TECTA: variants seen among roughly 807,000 people sequenced by gnomAD.
TECTA encodes the protein alpha-tectorin.
TECTA carries 128 observed loss-of-function variants against 216.8 expected under a neutral mutation model. The observed-to-expected ratio is 0.59, with a 90% confidence interval of 0.51 to 0.68. The LOEUF (loss-of-function observed/expected upper bound fraction) is 0.68, where lower values mean the gene tolerates loss of function less well. Among genes scored for constraint, TECTA ranks in the 30% least tolerant of loss-of-function variants. The pLI is 0.00. For missense variants in TECTA, 2,551 were observed against 2,786.2 expected (o/e 0.92, Z 1.90); for synonymous variants, 1,089 against 1,117.1 (o/e 0.97, Z 0.50).
rs470134 is a variant in TECTA at position 121,185,488 on chromosome 11, G to C, written c.6000-2344G>C. ...TGAATGAGTAGGGAAAGCAGATGTT[G>C]AATGCTTAATGAATGAGTAGGGAAA... On this transcript the variant is annotated intron_variant, in intron 20 of 23. Coordinates refer to ENST00000392793, the MANE Select transcript of TECTA (RefSeq NM_005422.4). Among the ~76,000 whole-genome samples the C allele has an allele frequency of 4.1e-3, 461 of 111,924 alleles. 1 individual carries two copies. Among genetic ancestry groups the C allele is most frequent in the African/African-American group, 7.0e-3 (191 of 27,364 alleles). The allele number at this position is 111,924 out of a possible 152,430, so 73.4% of individuals were successfully genotyped here.
chr11:121,121,710 C>T (rs1237488382), intron 7 of TECTA, among the ~76,000 whole-genome samples: 3 of 152,138 alleles, frequency 2.0e-5, no homozygotes, highest in Admixed American at 6.5e-5. Context: ...GGTGGGGGGA[C>T]TGTAGAAATA....
intron 10 of TECTA, among the ~76,000 whole-genome samples, chr11:121,131,073 G>A (rs1181308934): frequency 6.6e-6 from 1 of 152,064 alleles, no homozygotes; most frequent in Non-Finnish European, 1.5e-5. Context: ...AATTAGCCGG[G>A]CGTGGTGGCG....
chr11:121,127,653 T>TAGAG lies in TECTA; in HGVS notation c.1775-97_1775-96insAGAG, dbSNP rs1296351686. The TAGAG allele has an allele frequency of 6.3e-6, 9 of 1,424,640 alleles. No homozygotes were observed. Among genetic ancestry groups the TAGAG allele is most frequent in the Non-Finnish European group, 8.9e-6 (9 of 1,010,412 alleles). 88.2% of individuals were successfully genotyped at this position (1,424,640 alleles called of 1,614,324 possible). On this transcript the variant is annotated intron_variant, in intron 8 of 23. Coordinates refer to ENST00000392793, the MANE Select transcript of TECTA (RefSeq NM_005422.4). This position sits in a 1 kb window ranked among gnomAD's most constrained non-coding sequence, Gnocchi z 5.0. ...CCGAGTGGCCGCTTGACCCTCACTCTAGGAACTAAATGATCCAGGAGGAGC... is the reference window on the plus strand; with the variant it reads ...CCGAGTGGCCGCTTGACCCTCACTCTAGAGAGGAACTAAATGATCCAGGAGGAGC...
chr11:121,174,572 G>A (rs1484561616), intron 20 of TECTA, among the ~76,000 whole-genome samples: 1 of 152,146 alleles, frequency 6.6e-6, no homozygotes, highest in Non-Finnish European at 1.5e-5. Flanking sequence ...GCTTTTTGAT[G>A]TGCTGCTGGA....
In TECTA at chr11:121,113,114, A is replaced by G; in HGVS notation, c.529A>G (p.Thr177Ala). 6.2e-7 allele frequency: 1 copy of G among 1,614,108 alleles called. No homozygotes were observed. Among genetic ancestry groups the G allele is most frequent in the Admixed American group, 1.7e-5 (1 of 60,014 alleles). Residue 177 changes from threonine (T) to alanine (A), a missense_variant, in exon 5 of 24, where the codon ACA (threonine) becomes GCA (alanine). Coordinates refer to ENST00000392793, the MANE Select transcript of TECTA (RefSeq NM_005422.4). This position sits in a 1 kb window ranked among gnomAD's most constrained non-coding sequence, Gnocchi z 4.2. ...CGTCCTAGTGTCCGATGGCTCCTAT[A>G]CATTCACCCTCTTCAATTATTACGA... ...QAVLVSDGSY[T>A]FTLFNYYEIN...
In TECTA at chr11:121,165,662, C is replaced by T. The variant is rs574198736; in HGVS notation, c.5383+279C>T. ...AAGGTCCAAATTGATCTTTTAGATG[C>T]GCAAGGAAATAGGGTATTTTGATGC... On this transcript the variant is annotated intron_variant, in intron 17 of 23. Coordinates refer to ENST00000392793, the MANE Select transcript of TECTA (RefSeq NM_005422.4). Among the ~76,000 whole-genome samples, 23 of 152,212 alleles carry T rather than the reference C, an allele frequency of 1.5e-4. No individual in the cohort carries two copies. The South Asian group carries it at 4.0e-3, about 26-fold the overall frequency.
chr11:121,142,403 G>A (rs1946793035), intron 11 of TECTA, among the ~76,000 whole-genome samples: 2 of 152,160 alleles, frequency 1.3e-5, no homozygotes, highest in Admixed American at 1.3e-4. Flanking sequence ...GGGCAGTGGT[G>A]CCAGGGTGGA....
rs1946957281 is a variant in TECTA, at chr11:121,157,865, G to A, written c.4330G>A (p.Asp1444Asn). Residue 1444 changes from aspartate (D) to asparagine (N), a missense_variant, in exon 14 of 24, where the codon GAC becomes AAC. By Grantham distance (23) the Asp-to-Asn change is conservative (BLOSUM62 1). This residue lies in a region of TECTA where 2,375 missense variants were observed against 2,563.9 expected (regional missense o/e 0.93). Transcript: ENST00000392793. ...YEPKQLFWNS[D>N]CTRRCRCFRR... ...GCCCAAGCAGCTATTTTGGAACAGC[G>A]ACTGCACGCGGCGCTGCCGCTGTTT... The A allele has an allele frequency of 6.2e-7, 1 of 1,614,164 alleles. No individual in the cohort carries two copies. Among genetic ancestry groups the A allele is most frequent in the African/African-American group, 1.3e-5 (1 of 75,072 alleles).
At chr11:121,166,869 G>C (rs551756113) in intron 18 of TECTA, 89 bp downstream of exon 18, 24 of 1,472,078 alleles carry the variant, frequency 1.6e-5, no homozygotes, top group Non-Finnish European at 2.2e-5. Context: ...CCAACTTCAG[G>C]GTGATCTGCT....
At chr11:121,124,893 G>A (rs746855505) in intron 7 of TECTA, among the ~76,000 whole-genome samples, 11 of 152,228 alleles carry the variant, frequency 7.2e-5, no homozygotes, top group Admixed American at 3.9e-4. Context: ...GGCAGGAAGG[G>A]GGTCCTGGAA....
At chr11:121,121,161 AG>A (rs1222733847) in intron 7 of TECTA, among the ~76,000 whole-genome samples, 5 of 152,222 alleles carry the variant, frequency 3.3e-5, no homozygotes, top group Non-Finnish European at 7.3e-5. Context: ...GGACCTCCTA[AG>A]GCTGTTATGA....
At chr11:121,125,022 T>A (rs548814402) in intron 7 of TECTA, among the ~76,000 whole-genome samples, 1 of 152,360 alleles carries the variant, frequency 6.6e-6, no homozygotes, top group South Asian at 2.1e-4. Flanking sequence ...CCAGGAAATG[T>A]TGACAACCAC....
intron 12 of TECTA, among the ~76,000 whole-genome samples, chr11:121,148,867 G>A (rs1376982083): frequency 6.6e-6 from 1 of 152,232 alleles, no homozygotes; most frequent in Non-Finnish European, 1.5e-5. Flanking sequence ...ACAGGGAGTA[G>A]GGAAGTTAAA....
In TECTA at chr11:121,105,977, G is replaced by A. The variant is rs200205522; in HGVS notation, c.198+13G>A. The A allele has an allele frequency of 1.2e-5, 20 of 1,614,186 alleles. No homozygotes were observed. The highest frequency in any genetic ancestry group is 1.5e-5 in the Non-Finnish European group (18 of 1,180,028). On this transcript the variant is annotated intron_variant, in intron 3 of 23. Coordinates refer to ENST00000392793, the MANE Select transcript of TECTA (RefSeq NM_005422.4). The surrounding 1 kb of genome is among the most constrained non-coding windows in gnomAD (Gnocchi z 5.3). ...CCGCACTGTCTATGTAAGTGGAGAAGCAGCCCATCTGTTGTTCTCTGGCCC... is the reference window on the plus strand; with the variant it reads ...CCGCACTGTCTATGTAAGTGGAGAAACAGCCCATCTGTTGTTCTCTGGCCC...
intron 14 of TECTA, among the ~76,000 whole-genome samples, chr11:121,159,200 A>C (rs1167923662): frequency 6.6e-6 from 1 of 152,244 alleles, no homozygotes; most frequent in Non-Finnish European, 1.5e-5. Context: ...TTGTGAGCTT[A>C]AAATGAAGAA....
intron 12 of TECTA, among the ~76,000 whole-genome samples, chr11:121,149,012 A>G (rs1946865873): frequency 6.6e-6 from 1 of 152,216 alleles, no homozygotes; most frequent in South Asian, 2.1e-4. Context: ...AAAGGAATAA[A>G]TGACAGTTCC....
Position 121,146,064 on chromosome 11 carries a change from C to A in TECTA, c.4053C>A (p.Thr1351=). ...GCTGGCTGCAGAACTACGCCAGCAC[C>A]TGCCAGACTCAGGGGATTACGGTGA... ...ACSWLQNYAS[T]CQTQGITVTG... Residue 1351 remains threonine (T), a synonymous_variant, in exon 12 of 24, where the codon ACC becomes ACA. Transcript: ENST00000392793. 1 of 1,613,182 alleles carries A rather than the reference C, an allele frequency of 6.2e-7. No homozygotes were observed. Among genetic ancestry groups the A allele is most frequent in the Non-Finnish European group, 8.5e-7 (1 of 1,180,038 alleles).
At chr11:121,181,723 C>A (rs1374671202) in intron 20 of TECTA, among the ~76,000 whole-genome samples, 2 of 152,220 alleles carry the variant, frequency 1.3e-5, no homozygotes, top group Non-Finnish European at 2.9e-5. Context: ...CCACCTTGGC[C>A]TCACAAAGTG....
Position 121,137,701 on chromosome 11 carries a change from C to A in TECTA, c.3222C>A (p.Thr1074=). The A allele has an allele frequency of 6.2e-7, 1 of 1,614,148 alleles. No homozygotes were observed. ...SGTDNRVHCE[T]IPCKDDEYCM... is the part of the protein sequence containing the mutation. ...CAGACAACAGGGTCCACTGCGAGAC[C>A]ATTCCCTGCAAGGATGATGAGTACT... Residue 1074 remains threonine (T), a synonymous_variant, in exon 11 of 24, where the codon ACC becomes ACA. Coordinates refer to ENST00000392793, the MANE Select transcript of TECTA (RefSeq NM_005422.4).
Sources: gnomAD v4.1 joint callset for allele counts (sites outside exome capture counted in the v4.1 genomes callset) on GRCh38, gnomAD v4.1.1 for gene constraint, gnomAD v4.1.1 regional missense constraint, Gnocchi (gnomAD v3.1) non-coding constraint, MANE v1.5 for transcripts, NCBI Gene and HGNC (gene_info 2026-07-23, HGNC 2026-07-21) for gene names.